Variants in GRIK3 observed in about 807,000 individuals in gnomAD.
GRIK3 encodes glutamate receptor ionotropic, kainate 3.
GRIK3 carries 29 observed loss-of-function variants against 102.5 expected under a neutral mutation model. The observed-to-expected ratio is 0.28, with a 90% CI of 0.21 to 0.39. The LOEUF (loss-of-function observed/expected upper bound fraction) is 0.39, where lower values mean the gene tolerates loss of function less well. GRIK3 is among the 10% of genes least tolerant of loss of function. The pLI, the probability that GRIK3 is intolerant of heterozygous loss-of-function variation, is 1.00. For missense variants in GRIK3, 908 were observed against 1,252.4 expected (o/e 0.73, Z 4.15); for synonymous variants, 511 against 504.9 (o/e 1.01, Z -0.16).
intron 1 of GRIK3, among the ~76,000 whole-genome samples, chr1:37,002,970 A>G (rs1469244033): frequency 2.0e-5 from 3 of 150,844 alleles, no homozygotes; most frequent in Non-Finnish European, 4.4e-5. Context: ...TTTCACATAA[A>G]GCTCCAGATA....
intron 1 of GRIK3, among the ~76,000 whole-genome samples, chr1:36,907,334 G>T (rs1641294663): frequency 6.6e-6 from 1 of 152,192 alleles, no homozygotes. Flanking sequence ...GACCCCAAAG[G>T]ACAGAACCCA....
chr1:36,925,607 C>T (rs1262687824), intron 1 of GRIK3, among the ~76,000 whole-genome samples: 1 of 152,264 alleles, frequency 6.6e-6, no homozygotes, highest in Non-Finnish European at 1.5e-5. Flanking sequence ...TGCAGTGTGG[C>T]CCTCCCAGGG....
At chr1:37,007,356 C>T (rs1011332211) in intron 1 of GRIK3, among the ~76,000 whole-genome samples, 10 of 152,226 alleles carry the variant, frequency 6.6e-5, no homozygotes, top group African/African-American at 2.2e-4. Context: ...AGGCTGGCAC[C>T]TGACTCTTTG....
At position 36,806,052 on chromosome 1, in the gene GRIK3, G is replaced by A; in HGVS notation, c.2314+52C>T. On this transcript the variant is annotated intron_variant, in intron 14 of 15. Coordinates refer to ENST00000373091, the MANE Select transcript of GRIK3 (RefSeq NM_000831.4). This position sits in a 1 kb window ranked among gnomAD's most constrained non-coding sequence, Gnocchi z 4.0. ...GAGTGTGAGGGGACGCGGGGGTGGAGCCCTCCCTCTGCCCACACACCCACC... is the reference window on the plus strand; with the variant it reads ...GAGTGTGAGGGGACGCGGGGGTGGAACCCTCCCTCTGCCCACACACCCACC... The A allele has an allele frequency of 7.9e-7, 1 of 1,259,784 alleles. No homozygotes were observed. Among genetic ancestry groups the A allele is most frequent in the South Asian group, 1.3e-5 (1 of 78,642 alleles). 78.0% of individuals were successfully genotyped at this position (1,259,784 alleles called of 1,614,324 possible).
chr1:37,003,453 T>A (rs1642499933), intron 1 of GRIK3, among the ~76,000 whole-genome samples: 1 of 152,170 alleles, frequency 6.6e-6, no homozygotes, highest in African/African-American at 2.4e-5. Context: ...GACATGCATA[T>A]CTTTCTTCAG....
intron 1 of GRIK3, among the ~76,000 whole-genome samples, 181 bp downstream of exon 1, chr1:37,033,809 ATAAG>A (rs1642856904): frequency 6.6e-6 from 1 of 152,100 alleles, no homozygotes; most frequent in African/African-American, 2.4e-5. Context: ...CTCCTCCCCA[ATAAG>A]TAAGGCCCGT....
chr1:36,878,958 G>A (rs1640937600), intron 3 of GRIK3, among the ~76,000 whole-genome samples: 1 of 152,128 alleles, frequency 6.6e-6, no homozygotes, highest in Admixed American at 6.5e-5. Flanking sequence ...GGACTCTCCA[G>A]GTCTGTCCCT....
chr1:36,890,413 G>C (rs940765891), intron 2 of GRIK3, among the ~76,000 whole-genome samples: 31 of 151,836 alleles, frequency 2.0e-4, no homozygotes, highest in South Asian at 2.1e-4. Flanking sequence ...GCAGTGAGCA[G>C]AGATCGCACC....
chr1:36,829,890 C>G (rs1642796971), intron 10 of GRIK3, among the ~76,000 whole-genome samples: 1 of 152,300 alleles, frequency 6.6e-6, no homozygotes, highest in African/African-American at 2.4e-5. Flanking sequence ...ATCTTCCTAC[C>G]AGGAATGGGG....
At chr1:36,866,873 A>G (rs1640790349) in intron 5 of GRIK3, among the ~76,000 whole-genome samples, 2 of 152,150 alleles carry the variant, frequency 1.3e-5, no homozygotes, top group African/African-American at 4.8e-5. Flanking sequence ...CTGTCCATCC[A>G]TCTGTCCATC....
intron 2 of GRIK3, among the ~76,000 whole-genome samples, chr1:36,881,746 T>G (rs1159804073): frequency 6.6e-6 from 1 of 152,138 alleles, no homozygotes; most frequent in Non-Finnish European, 1.5e-5. Flanking sequence ...CTCCTTTGCT[T>G]CAAGGGCTCC....
intron 1 of GRIK3, among the ~76,000 whole-genome samples, chr1:36,900,195 G>A (rs1641220080): frequency 6.6e-6 from 1 of 152,142 alleles, no homozygotes; most frequent in Non-Finnish European, 1.5e-5. Context: ...ATCATATAAT[G>A]TCTACTCTTA....
rs774253564 is a variant in GRIK3 at position 36,805,143 on chromosome 1, G to A, written c.2409C>T (p.Ser803=). Residue 803 remains serine, a synonymous_variant, in exon 15 of 16, where the codon AGC becomes AGT. Coordinates refer to ENST00000373091, the MANE Select transcript of GRIK3 (RefSeq NM_000831.4). ...CTTTGTTTTCCTCCTCAGGACACCC[G>A]CTGCCCCGCCACCACTTCTCCTTCA... ...HIMKEKWWRG[S]GCPEEENKEA... 1.9e-6 allele frequency: 3 copies of A among 1,614,128 alleles called. No homozygotes were observed. The highest frequency in any genetic ancestry group is 4.5e-5 in the East Asian group (2 of 44,884).
At chr1:36,942,366 C>A (rs774782388) in intron 1 of GRIK3, among the ~76,000 whole-genome samples, 3 of 152,230 alleles carry the variant, frequency 2.0e-5, no homozygotes, top group Non-Finnish European at 4.4e-5. Context: ...TCTGCGGAAA[C>A]CCTTCACAGA....
At position 36,806,360 on chromosome 1, in the gene GRIK3, G is replaced by A. The variant is rs146051040; in HGVS notation, c.2092-34C>T. On this transcript the variant is annotated intron_variant, in intron 13 of 15. Transcript: ENST00000373091. The surrounding 1 kb of genome is among the most constrained non-coding windows in gnomAD (Gnocchi z 4.0). ...TGAGGGAAGGGGTGATGCACACACCGTTACTAGGCGCACCAGGGACCAAGC... is the reference window on the plus strand; with the variant it reads ...TGAGGGAAGGGGTGATGCACACACCATTACTAGGCGCACCAGGGACCAAGC... The A allele has an allele frequency of 3.0e-5, 42 of 1,394,376 alleles. No individual in the cohort carries two copies. In the African/African-American group the frequency reaches 4.9e-4, roughly 16 times the overall value. 86.4% of individuals were successfully genotyped at this position (1,394,376 alleles called of 1,614,324 possible).
chr1:36,879,151 A>T (rs555595621), intron 3 of GRIK3, among the ~76,000 whole-genome samples: 1 of 152,078 alleles, frequency 6.6e-6, no homozygotes, highest in African/African-American at 2.4e-5. Context: ...GCAGATGGCT[A>T]TGTTGTCCCG....
chr1:36,809,047 C>A (rs919569259), intron 13 of GRIK3, among the ~76,000 whole-genome samples: 1 of 152,178 alleles, frequency 6.6e-6, no homozygotes, highest in East Asian at 1.9e-4. Context: ...CTTCTGCTTT[C>A]CCAGTTCTCC....
At position 36,966,154 on chromosome 1, in the gene GRIK3, G is replaced by A. The variant is rs1642075720; in HGVS notation, c.115+67840C>T. The stretch of plus-strand genomic sequence containing the variant: ...GGTGCCAGCCAAGGGTGCAGGTCCA[G>A]CCATCTGTGCACTGATGTGCACCTT... On this transcript the variant is annotated intron_variant, in intron 1 of 15. Coordinates refer to ENST00000373091, the MANE Select transcript of GRIK3 (RefSeq NM_000831.4). 2.0e-5 allele frequency among the ~76,000 whole-genome samples: 3 copies of A among 152,230 alleles called. 1 individual carries two copies. The South Asian group carries it at 6.2e-4, about 31-fold the overall frequency.
chr1:36,812,467 A>G (rs556404363), intron 13 of GRIK3, among the ~76,000 whole-genome samples: 3 of 152,188 alleles, frequency 2.0e-5, no homozygotes, highest in African/African-American at 7.2e-5. Flanking sequence ...CGCTTTCCCA[A>G]CGTTCTCCTT....
Sources: allele counts gnomAD v4.1 joint callset (sites outside exome capture counted in the v4.1 genomes callset), GRCh38; gene constraint gnomAD v4.1.1; non-coding constraint Gnocchi (gnomAD v3.1); transcripts MANE v1.5; gene names NCBI Gene and HGNC (gene_info 2026-07-23, HGNC 2026-07-21).